SYT14: variants seen among roughly 807,000 people sequenced by gnomAD.
SYT14 encodes synaptotagmin 14, also known as synaptotagmin-14.
Under a neutral mutation model 74.2 loss-of-function variants are expected in SYT14, and 32 were observed. The observed-to-expected ratio is 0.43, with a 90% CI of 0.33 to 0.58. SYT14 has a LOEUF of 0.58. SYT14 is among the 20% of genes least tolerant of loss of function. The pLI, the probability that SYT14 is intolerant of heterozygous loss-of-function variation, is 0.05. For synonymous variants in SYT14, 298 were observed against 337.7 expected, an observed-to-expected ratio of 0.88 and a Z score of 1.29; for missense variants, 791 against 981.8, an observed-to-expected ratio of 0.81 and a Z score of 2.60.
intron 7 of SYT14, among the ~76,000 whole-genome samples, chr1:210,106,779 C>G (rs553453317): frequency 6.6e-6 from 1 of 152,212 alleles, no homozygotes; most frequent in East Asian, 1.9e-4. Flanking sequence ...TCATTCTGCC[C>G]TTGGCCACCC....
intron 1 of SYT14, among the ~76,000 whole-genome samples, chr1:209,941,802 C>T (rs141838232): frequency 1.6e-3 from 242 of 152,188 alleles, no homozygotes; most frequent in African/African-American, 5.1e-3. Flanking sequence ...CCTTGGTAAC[C>T]GTGGGGGAGA....
chr1:210,040,775 TA>T (rs1169298895), intron 5 of SYT14, among the ~76,000 whole-genome samples: 2 of 152,210 alleles, frequency 1.3e-5, no homozygotes, highest in African/African-American at 4.8e-5. Flanking sequence ...TGAAAATTCC[TA>T]AATGGGTTTG....
At chr1:210,070,495 C>T (rs1404251337) in intron 5 of SYT14, among the ~76,000 whole-genome samples, 1 of 152,022 alleles carries the variant, frequency 6.6e-6, no homozygotes, top group African/African-American at 2.4e-5. Context: ...AGTAGCAGAC[C>T]ATGGGTTCAA....
At chr1:210,052,683 A>AAAAAAAAAAAAAAAAAAAAAAAAC (rs2081023608) in intron 5 of SYT14, among the ~76,000 whole-genome samples, 1 of 149,964 alleles carries the variant, frequency 6.7e-6, no homozygotes, top group African/African-American at 2.4e-5. Flanking sequence ...AAAAAAAAAA[A>AAAAAAAAAAAAAAAAAAAAAAAAC]AGCTCTCCAA....
intron 7 of SYT14, among the ~76,000 whole-genome samples, chr1:210,134,481 C>G (rs1281383086): frequency 6.6e-6 from 1 of 152,114 alleles, no homozygotes; most frequent in Non-Finnish European, 1.5e-5. Context: ...CAGTTTTAAG[C>G]TTAGCATCAT....
At chr1:210,138,302 C>T (rs1163948065) in intron 7 of SYT14, among the ~76,000 whole-genome samples, 4 of 152,248 alleles carry the variant, frequency 2.6e-5, no homozygotes, top group African/African-American at 9.6e-5. Context: ...TCTCATGAGA[C>T]TTATTTACTA....
intron 7 of SYT14, among the ~76,000 whole-genome samples, chr1:210,106,584 A>G (rs2082161699): frequency 6.6e-6 from 1 of 152,148 alleles, no homozygotes; most frequent in Non-Finnish European, 1.5e-5. Context: ...AGTGCCAAGG[A>G]AAAGGGGGAA....
chr1:210,024,882 G>T (rs188938613), intron 5 of SYT14, among the ~76,000 whole-genome samples: 1 of 151,724 alleles, frequency 6.6e-6, no homozygotes, highest in Non-Finnish European at 1.5e-5. Context: ...GGAAGGCAGC[G>T]TGGTTGGGGA....
chr1:210,060,903 A>G (rs1183953543), intron 5 of SYT14, among the ~76,000 whole-genome samples: 1 of 151,942 alleles, frequency 6.6e-6, no homozygotes, highest in Non-Finnish European at 1.5e-5. Context: ...TTATCTATAA[A>G]CTCCTAATTA....
intron 7 of SYT14, among the ~76,000 whole-genome samples, chr1:210,129,216 A>G (rs1010288872): frequency 1.3e-5 from 2 of 152,244 alleles, no homozygotes; most frequent in African/African-American, 2.4e-5. Context: ...GGTTTAAGCA[A>G]TAATAAAGAC....
chr1:210,013,545 G>A (rs2080125630), intron 2 of SYT14, 88 bp from the exon 3 acceptor site: 5 of 1,256,560 alleles, frequency 4.0e-6, no homozygotes, highest in Middle Eastern at 2.8e-4. Context: ...AAATAAGGTA[G>A]TAAGCTAACT....
intron 4 of SYT14, among the ~76,000 whole-genome samples, chr1:210,020,022 GT>G (rs1464759182): frequency 1.3e-5 from 2 of 152,144 alleles, no homozygotes; most frequent in Non-Finnish European, 2.9e-5. Context: ...AGTGTTAACA[GT>G]TTGGTGTATA....
At chr1:210,100,925 C>T (rs945655278) in intron 7 of SYT14, among the ~76,000 whole-genome samples, 3 of 152,076 alleles carry the variant, frequency 2.0e-5, no homozygotes, top group African/African-American at 7.2e-5. Context: ...GATATGTTTC[C>T]AGAACTTCTG....
rs146229140 is a variant in SYT14 at position 210,048,473 on chromosome 1, A to G, written c.1312+27219A>G. ...CAAGACAAGAGAGCTGCTGCGGGAA[A>G]GTCCCCCTTTTAAAACCATCAGATC... On this transcript the variant is annotated intron_variant, in intron 5 of 9. Coordinates refer to ENST00000637265, the Ensembl canonical transcript of SYT14. Among the ~76,000 whole-genome samples the G allele has an allele frequency of 2.0e-5, 3 of 152,312 alleles. No homozygotes were observed. In the East Asian group the frequency reaches 5.8e-4, roughly 29 times the overall value.
At chr1:209,957,827 C>T (rs950924512) in intron 2 of SYT14, among the ~76,000 whole-genome samples, 8 of 152,058 alleles carry the variant, frequency 5.3e-5, no homozygotes, top group African/African-American at 1.7e-4. Flanking sequence ...AGGCAGATTC[C>T]ATTTTTTTCA....
At chr1:210,060,405 G>A (rs2081187067) in intron 5 of SYT14, among the ~76,000 whole-genome samples, 1 of 151,844 alleles carries the variant, frequency 6.6e-6, no homozygotes, top group South Asian at 2.1e-4. Flanking sequence ...ACTGGTATGC[G>A]GTTTATATTC....
intron 7 of SYT14, among the ~76,000 whole-genome samples, chr1:210,118,897 A>G (rs1050983494): frequency 2.6e-5 from 4 of 152,170 alleles, no homozygotes; most frequent in African/African-American, 9.7e-5. Context: ...GCAATGTTTT[A>G]TTCTTTTCTT....
chr1:210,091,537 A>G (rs1187377930), intron 5 of SYT14, among the ~76,000 whole-genome samples: 2 of 152,148 alleles, frequency 1.3e-5, no homozygotes. Flanking sequence ...AACAGTTTTT[A>G]AAATTAGCCA....
exon 10 of SYT14, chr1:210,163,198 A>G: frequency 2.2e-6 from 1 of 453,524 alleles, no homozygotes; most frequent in South Asian, 1.6e-5. Flanking sequence ...CATTAGTAAG[A>G]CCAGCTTGGT....
Sources: gnomAD v4.1 joint callset for allele counts (sites outside exome capture counted in the v4.1 genomes callset) on GRCh38, gnomAD v4.1.1 for gene constraint, MANE v1.5 for transcripts, NCBI Gene and HGNC (gene_info 2026-07-23, HGNC 2026-07-21) for gene names.